CDS1: variants seen among roughly 807,000 people sequenced by gnomAD.
CDS1 encodes phosphatidate cytidylyltransferase 1.
A neutral mutation model predicts 62.1 loss-of-function variants in CDS1; 41 were observed. The ratio of observed to expected loss-of-function variants is 0.66; its 90% confidence interval spans 0.51 to 0.86. The LOEUF is 0.86. Ranked by LOEUF, CDS1 falls within the 40% of genes least tolerant of loss-of-function variation. The pLI is 0.00. For synonymous variants in CDS1, 185 were observed against 192.6 expected (o/e 0.96, Z 0.32); for missense variants, 470 against 550.1 (o/e 0.85, Z 1.46).
At chr4:84,622,656 A>G (rs1388052993) in intron 5 of CDS1, among the ~76,000 whole-genome samples, 9 of 152,182 alleles carry the variant, frequency 5.9e-5, no homozygotes, top group Admixed American at 5.2e-4. Flanking sequence ...CATTTCTATC[A>G]TTAATATCTG....
chr4:84,602,584 A>T (rs925966598), intron 1 of CDS1, among the ~76,000 whole-genome samples: 1 of 152,084 alleles, frequency 6.6e-6, no homozygotes, highest in Admixed American at 6.5e-5. Context: ...TTTTTGTAGG[A>T]TGGTGATACT....
At chr4:84,600,167 A>G (rs1393330999) in intron 1 of CDS1, among the ~76,000 whole-genome samples, 1 of 152,156 alleles carries the variant, frequency 6.6e-6, no homozygotes, top group Non-Finnish European at 1.5e-5. Flanking sequence ...TTTATTTACC[A>G]TCTGTGCATT....
At chr4:84,599,405 C>CATATATATATATAT (rs59313355) in intron 1 of CDS1, among the ~76,000 whole-genome samples, 1 of 24,696 alleles carries the variant, frequency 4.0e-5, no homozygotes, top group African/African-American at 1.3e-4. Flanking sequence ...CACACACACA[C>CATATATATATATAT]ATATATATAT....
At chr4:84,632,472 G>C (rs569846365) in intron 6 of CDS1, among the ~76,000 whole-genome samples, 2 of 152,148 alleles carry the variant, frequency 1.3e-5, no homozygotes, top group Non-Finnish European at 1.5e-5. Context: ...TCATGTGATA[G>C]TGAGGCTTAT....
At chr4:84,638,750 A>G (rs1160202790) in intron 8 of CDS1, among the ~76,000 whole-genome samples, 174 bp from the exon 9 acceptor site, 3 of 151,948 alleles carry the variant, frequency 2.0e-5, no homozygotes, top group African/African-American at 7.2e-5. Context: ...AGAGATTTTC[A>G]CTAGTAAATC....
chr4:84,624,293 A>AAC (rs1451188442), intron 5 of CDS1, among the ~76,000 whole-genome samples: 20 of 145,774 alleles, frequency 1.4e-4, no homozygotes, highest in African/African-American at 2.3e-4. Flanking sequence ...AAAACAAACA[A>AAC]AAAAAAAAAA....
chr4:84,591,074 T>A (rs1033343225), intron 1 of CDS1, among the ~76,000 whole-genome samples: 12 of 152,218 alleles, frequency 7.9e-5, no homozygotes, highest in African/African-American at 2.7e-4. Flanking sequence ...ATATTTTGTT[T>A]GTCAAAATAT....
intron 8 of CDS1, among the ~76,000 whole-genome samples, chr4:84,637,193 C>T (rs373671457): frequency 6.6e-6 from 1 of 152,168 alleles, no homozygotes; most frequent in African/African-American, 2.4e-5. Flanking sequence ...ATTTTTAAAA[C>T]GTTTCTAAAG....
At chr4:84,600,703 G>C (rs991445457) in intron 1 of CDS1, among the ~76,000 whole-genome samples, 2 of 152,080 alleles carry the variant, frequency 1.3e-5, no homozygotes, top group African/African-American at 2.4e-5. Context: ...AAGAACTCTT[G>C]AAAACAGGTA....
At chr4:84,608,208 C>T (rs772367785) in intron 2 of CDS1, among the ~76,000 whole-genome samples, 2 of 152,206 alleles carry the variant, frequency 1.3e-5, no homozygotes, top group Admixed American at 6.5e-5. Context: ...GAGTCTCGCT[C>T]AGTCGCCCAG....
intron 5 of CDS1, among the ~76,000 whole-genome samples, chr4:84,625,833 C>G (rs1370539591): frequency 6.6e-6 from 1 of 151,150 alleles, no homozygotes; most frequent in Admixed American, 6.6e-5. Context: ...TAGTAATGAC[C>G]TAAACTCTTC....
At chr4:84,606,756 C>T (rs1723107224) in intron 2 of CDS1, among the ~76,000 whole-genome samples, 1 of 152,104 alleles carries the variant, frequency 6.6e-6, no homozygotes, top group Non-Finnish European at 1.5e-5. Context: ...TCTCAACTCA[C>T]CACAACCTCT....
At chr4:84,604,470 C>G in intron 2 of CDS1, 100 bp downstream of exon 2, 2 of 1,209,408 alleles carry the variant, frequency 1.7e-6, no homozygotes, top group East Asian at 4.7e-5. Flanking sequence ...GTTTTCCAGC[C>G]ATGGTATTAG....
chr4:84,586,383 T>A (rs1722421123), intron 1 of CDS1, among the ~76,000 whole-genome samples: 1 of 152,210 alleles, frequency 6.6e-6, no homozygotes, highest in South Asian at 2.1e-4. Context: ...CCTGCAACTA[T>A]ACAGTCCCAC....
chr4:84,583,769 C>T (rs1722332063), intron 1 of CDS1, among the ~76,000 whole-genome samples: 1 of 152,146 alleles, frequency 6.6e-6, no homozygotes, highest in Admixed American at 6.5e-5. Context: ...ACCCGGCTTA[C>T]AGTTTAGCTT....
At chr4:84,640,784 G>A in intron 9 of CDS1, 54 bp from the exon 10 acceptor site, 1 of 1,390,686 alleles carries the variant, frequency 7.2e-7, no homozygotes, top group Non-Finnish European at 9.5e-7. Flanking sequence ...TAGTCAATGT[G>A]TTATGAACTT....
Position 84,640,592 on chromosome 4 carries a change from T to A in CDS1, c.880-246T>A, listed in dbSNP as rs377421896. Among the ~76,000 whole-genome samples the A allele has an allele frequency of 9.8e-5, 15 of 152,334 alleles. No individual in the cohort carries two copies. The East Asian group carries it at 1.9e-3, about 20-fold the overall frequency. The stretch of plus-strand genomic sequence containing the variant: ...TTCTCCTGTACCGTATAATTGTGAT[T>A]ATGCAGAGATTACAATCTTATTGAT... On this transcript the variant is annotated intron_variant, in intron 9 of 12. Coordinates refer to ENST00000295887, the MANE Select transcript of CDS1 (RefSeq NM_001263.4).
At chr4:84,637,185 T>C (rs2148658180) in intron 8 of CDS1, among the ~76,000 whole-genome samples, 1 of 152,286 alleles carries the variant, frequency 6.6e-6, no homozygotes, top group East Asian at 1.9e-4. Context: ...AGCTGTATAT[T>C]TTTAAAACGT....
At chr4:84,639,942 C>G (rs1724326513) in intron 9 of CDS1, among the ~76,000 whole-genome samples, 1 of 151,756 alleles carries the variant, frequency 6.6e-6, no homozygotes, top group Non-Finnish European at 1.5e-5. Context: ...AATGTTTTTA[C>G]ATTACAAAGC....
Sources: allele counts gnomAD v4.1 joint callset (sites outside exome capture counted in the v4.1 genomes callset), GRCh38; gene constraint gnomAD v4.1.1; transcripts MANE v1.5; gene names NCBI Gene and HGNC (gene_info 2026-07-23, HGNC 2026-07-21).